DIAPH3: variants seen among roughly 807,000 people sequenced by gnomAD.
DIAPH3 encodes the protein protein diaphanous homolog 3.
In DIAPH3, 117 loss-of-function variants were observed where a neutral mutation model predicts 144.3. The observed-to-expected ratio is 0.81, with a 90% CI of 0.70 to 0.95. DIAPH3 has a LOEUF of 0.95. Ranked by LOEUF, DIAPH3 falls within the 40% of genes least tolerant of loss-of-function variation. DIAPH3 has a pLI of 0.00. For synonymous variants in DIAPH3, 519 were observed against 488.9 expected, an observed-to-expected ratio of 1.06 and a Z score of -0.81; for missense variants, 1,421 against 1,412.7, an observed-to-expected ratio of 1.01 and a Z score of -0.09.
At chr13:60,064,861 T>G (rs1438133382) in intron 4 of DIAPH3, among the ~76,000 whole-genome samples, 1 of 152,270 alleles carries the variant, frequency 6.6e-6, no homozygotes, top group African/African-American at 2.4e-5. Flanking sequence ...AGACTTGGGA[T>G]TCTTCCTTTC....
At chr13:59,829,701 A>C (rs1485907064) in intron 24 of DIAPH3, among the ~76,000 whole-genome samples, 1 of 151,956 alleles carries the variant, frequency 6.6e-6, no homozygotes, top group African/African-American at 2.4e-5. Flanking sequence ...ACAGACACAG[A>C]TCTTACTAAA....
chr13:59,951,339 C>T (rs913811432), intron 17 of DIAPH3, among the ~76,000 whole-genome samples: 1 of 152,126 alleles, frequency 6.6e-6, no homozygotes, highest in South Asian at 2.1e-4. Context: ...TCCCCTTCTG[C>T]TATGATTGTA....
intron 27 of DIAPH3, among the ~76,000 whole-genome samples, chr13:59,770,656 C>A (rs888051577): frequency 3.9e-5 from 6 of 152,146 alleles, no homozygotes; most frequent in Admixed American, 1.3e-4. Flanking sequence ...TCTTTCAAGT[C>A]TCAGCTTGCA....
intron 17 of DIAPH3, among the ~76,000 whole-genome samples, chr13:59,959,699 T>C (rs2049630345): frequency 6.6e-6 from 1 of 152,186 alleles, no homozygotes; most frequent in Non-Finnish European, 1.5e-5. Flanking sequence ...AGGAAACACA[T>C]TCTTCTCCAG....
chr13:59,910,138 T>G (rs1318154137), intron 20 of DIAPH3, among the ~76,000 whole-genome samples: 1 of 151,480 alleles, frequency 6.6e-6, no homozygotes, highest in Admixed American at 6.6e-5. Flanking sequence ...AAAATTGTAA[T>G]TTTATATATT....
At chr13:59,985,819 A>G (rs1279901132) in intron 12 of DIAPH3, among the ~76,000 whole-genome samples, 1 of 95,764 alleles carries the variant, frequency 1.0e-5, no homozygotes, top group Non-Finnish European at 2.1e-5. Flanking sequence ...CAAGGAAATA[A>G]AAGAGGATAC....
At chr13:59,728,413 G>A (rs1227601545) in intron 27 of DIAPH3, among the ~76,000 whole-genome samples, 1 of 151,854 alleles carries the variant, frequency 6.6e-6, no homozygotes, top group African/African-American at 2.4e-5. Flanking sequence ...CAATAAAAAT[G>A]GGAAAAGAGA....
At chr13:59,844,514 A>AG (rs1566401953) in intron 22 of DIAPH3, among the ~76,000 whole-genome samples, 2 of 151,684 alleles carry the variant, frequency 1.3e-5, no homozygotes, top group Non-Finnish European at 2.9e-5. Context: ...AAAAAAAAAA[A>AG]AAAGGAAAAA....
chr13:59,686,260 A>G (rs2033204662), intron 27 of DIAPH3, among the ~76,000 whole-genome samples: 2 of 152,104 alleles, frequency 1.3e-5, no homozygotes, highest in Non-Finnish European at 2.9e-5. Context: ...GAAGAATTCT[A>G]ACTTCAGATA....
intron 22 of DIAPH3, among the ~76,000 whole-genome samples, chr13:59,858,748 G>C (rs1756395768): frequency 1.3e-5 from 2 of 152,198 alleles, no homozygotes; most frequent in South Asian, 4.1e-4. Context: ...TCCAAAAAGA[G>C]AGAAATATTA....
rs145027879 is a variant in DIAPH3, at chr13:59,971,763, T to C, written c.1651-603A>G. Among the ~76,000 whole-genome samples the C allele has an allele frequency of 7.7e-4, 118 of 152,314 alleles. No individual in the cohort carries two copies. In the Middle Eastern group the frequency reaches 0.01, roughly 13 times the overall value. On this transcript the variant is annotated intron_variant, in intron 15 of 27. Coordinates refer to ENST00000400324, the MANE Select transcript of DIAPH3 (RefSeq NM_001042517.2). ...ATATCATGATCTAGTCCCTGCTATCTGGTCTTGTAGGGGACTTTCTTCTAA... is the reference window on the plus strand; with the variant it reads ...ATATCATGATCTAGTCCCTGCTATCCGGTCTTGTAGGGGACTTTCTTCTAA...
chr13:59,959,216 G>A (rs1224905699), intron 17 of DIAPH3, among the ~76,000 whole-genome samples: 1 of 152,120 alleles, frequency 6.6e-6, no homozygotes, highest in Non-Finnish European at 1.5e-5. Context: ...GATTTAAGAA[G>A]TTGAGTCAAA....
In DIAPH3 at chr13:59,920,392, G is replaced by A. The variant is rs1326710973; in HGVS notation, c.2171-4143C>T. ...ACATGAAAACCGAAAAAGAACAGGA[G>A]TAGCTATATTTACATCAGATAAAAT... On this transcript the variant is annotated intron_variant, in intron 18 of 27. Transcript: ENST00000400324. Among the ~76,000 whole-genome samples the A allele has an allele frequency of 1.3e-5, 2 of 151,702 alleles. 1 individual carries two copies. The highest frequency in any genetic ancestry group is 3.0e-5 in the Non-Finnish European group (2 of 67,788).
intron 2 of DIAPH3, among the ~76,000 whole-genome samples, chr13:60,128,273 G>A (rs1006947710): frequency 2.0e-5 from 3 of 152,130 alleles, no homozygotes; most frequent in African/African-American, 7.2e-5. Context: ...GTATTGCATG[G>A]TGTATTAGTA....
chr13:59,890,179 G>T (rs189090503), intron 20 of DIAPH3, among the ~76,000 whole-genome samples: 29 of 152,170 alleles, frequency 1.9e-4, no homozygotes, highest in Admixed American at 1.8e-3. Flanking sequence ...AGATACCCAC[G>T]TGGACTACTG....
chr13:59,803,726 T>C (rs1593905451), intron 25 of DIAPH3, among the ~76,000 whole-genome samples: 1 of 152,274 alleles, frequency 6.6e-6, no homozygotes, highest in Non-Finnish European at 1.5e-5. Context: ...CGCAAATTAG[T>C]GCACAAAGTG....
At position 60,112,029 on chromosome 13, in the gene DIAPH3, T is replaced by C; in HGVS notation, c.371A>G (p.Glu124Gly). Residue 124 changes from glutamate to glycine, a missense_variant, in exon 3 of 28, where the codon GAA becomes GGA. Transcript: ENST00000400324. ...TCTTACCATCATTTTTTCAAAAAGT[T>C]CTAAGAGTTCATTCTCTGACAGTGG... ...PKPLSENELL[E>G]LFEKMMEDMN... 6.2e-7 allele frequency: 1 copy of C among 1,614,130 alleles called. No homozygotes were observed. Among genetic ancestry groups the C allele is most frequent in the South Asian group, 1.1e-5 (1 of 91,082 alleles).
At chr13:60,100,328 A>G (rs2058234818) in intron 3 of DIAPH3, among the ~76,000 whole-genome samples, 1 of 152,298 alleles carries the variant, frequency 6.6e-6, no homozygotes, top group African/African-American at 2.4e-5. Context: ...AAAAAAAGTC[A>G]GGCAAACCCA....
chr13:59,705,158 A>G (rs891590932), intron 27 of DIAPH3, among the ~76,000 whole-genome samples: 3 of 151,942 alleles, frequency 2.0e-5, no homozygotes, highest in African/African-American at 7.3e-5. Flanking sequence ...AAATGATTAT[A>G]GCCTAGTCCT....
Sources: allele counts gnomAD v4.1 joint callset (sites outside exome capture counted in the v4.1 genomes callset), GRCh38; gene constraint gnomAD v4.1.1; transcripts MANE v1.5; gene names NCBI Gene and HGNC (gene_info 2026-07-23, HGNC 2026-07-21).